The following TC2N variants were observed in gnomAD, a reference collection of about 807,000 sequenced individuals.
The protein encoded by TC2N is tandem C2 domains, nuclear, also known as tandem C2 domains nuclear protein.
Under a neutral mutation model 61.9 loss-of-function variants are expected in TC2N, and 51 were observed. That is an observed-to-expected ratio of 0.82 (90% CI 0.66 to 1.04). TC2N has a LOEUF of 1.04. TC2N is among the 50% of genes least tolerant of loss of function. TC2N has a pLI of 0.00. For missense variants in TC2N, 556 were observed against 566.7 expected, an observed-to-expected ratio of 0.98 and a Z score of 0.19; for synonymous variants, 204 against 192.6, an observed-to-expected ratio of 1.06 and a Z score of -0.49.
chr14:91,852,718 C>T (rs1420626198), intron 1 of TC2N, among the ~76,000 whole-genome samples: 1 of 151,996 alleles, frequency 6.6e-6, no homozygotes, highest in East Asian at 1.9e-4. Context: ...AGTGAGAGGG[C>T]CAGACCCACT....
intron 1 of TC2N, among the ~76,000 whole-genome samples, chr14:91,829,194 G>A (rs1015095173): frequency 1.3e-4 from 20 of 151,876 alleles, no homozygotes; most frequent in African/African-American, 3.6e-4. Flanking sequence ...TTGAATATAC[G>A]GATTGGTGTC....
chr14:91,815,589 G>A (rs1051489822), intron 1 of TC2N, among the ~76,000 whole-genome samples: 3 of 151,474 alleles, frequency 2.0e-5, no homozygotes, highest in Admixed American at 6.6e-5. Context: ...AACTCCATAC[G>A]TTTTTCACAG....
chr14:91,810,419 G>A (rs1270331498), intron 3 of TC2N, among the ~76,000 whole-genome samples: 1 of 152,138 alleles, frequency 6.6e-6, no homozygotes, highest in South Asian at 2.1e-4. Flanking sequence ...GGGAGAAAGG[G>A]AGGAAAGAAG....
intron 8 of TC2N, among the ~76,000 whole-genome samples, chr14:91,792,909 G>C (rs1244888715): frequency 6.6e-6 from 1 of 152,120 alleles, no homozygotes; most frequent in East Asian, 1.9e-4. Context: ...AACAGTTCAG[G>C]AGAGTGGTGC....
chr14:91,861,426 C>T (rs1888585725), intron 1 of TC2N, among the ~76,000 whole-genome samples: 1 of 152,226 alleles, frequency 6.6e-6, no homozygotes, highest in Non-Finnish European at 1.5e-5. Context: ...GCATAAAAAG[C>T]TTTGTGCTTT....
chr14:91,803,343 T>G (rs1886348606), intron 3 of TC2N, among the ~76,000 whole-genome samples: 1 of 151,316 alleles, frequency 6.6e-6, no homozygotes, highest in African/African-American at 2.4e-5. Context: ...ATTTCTTAAA[T>G]GGAACATAAA....
chr14:91,794,798 G>C (rs187524825), intron 8 of TC2N, among the ~76,000 whole-genome samples: 2 of 152,166 alleles, frequency 1.3e-5, no homozygotes, highest in East Asian at 3.9e-4. Flanking sequence ...CATGGATCAG[G>C]GAGTAATTTC....
chr14:91,806,284 TG>T (rs1271255824), intron 3 of TC2N, among the ~76,000 whole-genome samples: 2 of 151,494 alleles, frequency 1.3e-5, no homozygotes, highest in African/African-American at 4.8e-5. Context: ...GTACCAGGAG[TG>T]GGGTGCTGCT....
intron 1 of TC2N, among the ~76,000 whole-genome samples, chr14:91,844,063 T>C (rs569096160): frequency 6.8e-6 from 1 of 147,158 alleles, no homozygotes; most frequent in Non-Finnish European, 1.5e-5. Flanking sequence ...GAAAAAAAAA[T>C]GCAAATATAT....
intron 1 of TC2N, among the ~76,000 whole-genome samples, chr14:91,847,153 G>A (rs1300276622): frequency 6.6e-6 from 1 of 151,956 alleles, no homozygotes. Context: ...AGCTACTCAG[G>A]AGGCTGAGGT....
chr14:91,826,928 G>GT (rs1166654762), intron 1 of TC2N, among the ~76,000 whole-genome samples: 3 of 152,044 alleles, frequency 2.0e-5, no homozygotes, highest in Non-Finnish European at 2.9e-5. Flanking sequence ...TCTGTTTACT[G>GT]TTTCCATTTG....
At chr14:91,784,455 T>C (rs1395001898) in intron 11 of TC2N, among the ~76,000 whole-genome samples, 1 of 152,148 alleles carries the variant, frequency 6.6e-6, no homozygotes, top group Non-Finnish European at 1.5e-5. Flanking sequence ...AATTTGAGGA[T>C]TTCATGTAGA....
chr14:91,864,777 CTTTT>C (rs5810557), intron 1 of TC2N, among the ~76,000 whole-genome samples: 9 of 70,796 alleles, frequency 1.3e-4, no homozygotes, highest in Admixed American at 1.6e-4. Context: ...CTGCCTTCAT[CTTTT>C]TTTTTTTTTT....
chr14:91,844,026 G>A (rs996006253), intron 1 of TC2N, among the ~76,000 whole-genome samples: 7 of 149,838 alleles, frequency 4.7e-5, no homozygotes, highest in East Asian at 2.0e-4. Context: ...CCTACTTGAC[G>A]TGGGTTACAT....
Position 91,849,909 on chromosome 14 carries a change from C to T in TC2N, c.-57+17353G>A, listed in dbSNP as rs540401669. Reference sequence around the variant, plus strand: ...CTAAAAGTACAAAAAATTAGCTGGGCGTGGTGGCATGCGACTGTAATCCCA... The same window carrying T: ...CTAAAAGTACAAAAAATTAGCTGGGTGTGGTGGCATGCGACTGTAATCCCA... On this transcript the variant is annotated intron_variant, in intron 1 of 11. Coordinates refer to ENST00000435962, the MANE Select transcript of TC2N (RefSeq NM_001128596.3). Among the ~76,000 whole-genome samples, 13 of 152,050 alleles carry T rather than the reference C, an allele frequency of 8.5e-5. No homozygotes were observed. In the South Asian group the frequency reaches 2.3e-3, roughly 27 times the overall value.
In TC2N at chr14:91,865,243, T is replaced by A. The variant is rs1197317695; in HGVS notation, c.-57+2019A>T. On this transcript the variant is annotated intron_variant, in intron 1 of 11. Transcript: ENST00000435962. ...AATGATTTATTTCTCTGATGGCTGC[T>A]GGCTAAGATTCATTATTAAGAACCA... Among the ~76,000 whole-genome samples the A allele has an allele frequency of 2.0e-5, 3 of 152,324 alleles. No homozygotes were observed. In the South Asian group the frequency reaches 6.2e-4, roughly 32 times the overall value.
chr14:91,851,460 T>A (rs1368991442), intron 1 of TC2N, among the ~76,000 whole-genome samples: 1 of 152,214 alleles, frequency 6.6e-6, no homozygotes, highest in Non-Finnish European at 1.5e-5. Context: ...TGTCAAGGTG[T>A]GTCTGGTCCC....
In TC2N at chr14:91,804,744, G is replaced by T. The variant is rs369968366; in HGVS notation, c.302-2323C>A. On this transcript the variant is annotated intron_variant, in intron 3 of 11. Transcript: ENST00000435962. ...ATATTCAGGGATATGAGCTTAGGTG[G>T]TAAGAAGAAAGGCAAGAGAGTCATG... Among the ~76,000 whole-genome samples the T allele has an allele frequency of 8.5e-5, 13 of 152,250 alleles. No individual in the cohort carries two copies. In the East Asian group the frequency reaches 1.2e-3, roughly 14 times the overall value.
At chr14:91,792,810 C>A (rs950848797) in intron 8 of TC2N, among the ~76,000 whole-genome samples, 1 of 152,162 alleles carries the variant, frequency 6.6e-6, no homozygotes. Context: ...ACACCATGCT[C>A]ACCACAATAC....
Sources: allele counts gnomAD v4.1 joint callset (sites outside exome capture counted in the v4.1 genomes callset), GRCh38; gene constraint gnomAD v4.1.1; transcripts MANE v1.5; gene names NCBI Gene and HGNC (gene_info 2026-07-23, HGNC 2026-07-21).